The following KDM6A variants were observed in gnomAD, a reference collection of about 807,000 sequenced individuals.
KDM6A encodes the protein lysine-specific demethylase 6A.
A neutral mutation model predicts 117.6 loss-of-function variants in KDM6A; 11 were observed. The ratio of observed to expected loss-of-function variants is 0.09; its 90% confidence interval spans 0.06 to 0.15. KDM6A has a LOEUF of 0.15. KDM6A is among the 10% of genes least tolerant of loss of function. The pLI is 1.00. For synonymous variants in KDM6A, 384 were observed against 396.1 expected (o/e 0.97, Z 0.36); for missense variants, 799 against 1,077.3 (o/e 0.74, Z 3.62).
chrX:44,988,257 A>G, intron 4 of KDM6A, among the ~76,000 whole-genome samples: 1 of 111,629 alleles, frequency 9.0e-6, no homozygotes, highest in East Asian at 2.8e-4. Flanking sequence ...TTTCAGCTCC[A>G]TCAGGTCCTT....
intron 8 of KDM6A, among the ~76,000 whole-genome samples, chrX:45,049,143 C>T (rs2043722153): frequency 1.8e-5 from 2 of 111,721 alleles, no homozygotes. Context: ...CGTGAGTGTT[C>T]TCCTTTACTC....
At position 44,998,370 on chromosome X, in the gene KDM6A, A is replaced by G. The variant is rs139488380; in HGVS notation, c.385-12591A>G. 8.6e-3 allele frequency among the ~76,000 whole-genome samples: 961 copies of G among 111,882 alleles called. 9 individuals carry two copies. Among genetic ancestry groups the G allele is most frequent in the African/African-American group, 0.03 (908 of 30,766 alleles). ...GTAGGACTACTGTTTGGCTTGGTCA[A>G]CTGGTAAGATTGTTACCACTATCTA... On this transcript the variant is annotated intron_variant, in intron 4 of 29. Coordinates refer to ENST00000611820, the MANE Select transcript of KDM6A (RefSeq NM_001291415.2).
chrX:44,874,682 T>C (rs764211512), intron 2 of KDM6A, among the ~76,000 whole-genome samples: 47 of 109,505 alleles, frequency 4.3e-4, no homozygotes, highest in African/African-American at 1.5e-3. Flanking sequence ...GTGTAGTCTT[T>C]TTTTATTTGT....
At chrX:44,983,988 T>G (rs1310886522) in intron 4 of KDM6A, among the ~76,000 whole-genome samples, 1 of 110,500 alleles carries the variant, frequency 9.0e-6, no homozygotes, top group Non-Finnish European at 1.9e-5. Flanking sequence ...ATCGCCACAC[T>G]GACTTCCACA....
At chrX:44,882,368 A>G (rs1273198693) in intron 2 of KDM6A, among the ~76,000 whole-genome samples, 1 of 112,120 alleles carries the variant, frequency 8.9e-6, no homozygotes, top group Admixed American at 9.6e-5. Context: ...CATTTAATCC[A>G]TAGATGTTTG....
At chrX:45,054,036 C>G in intron 10 of KDM6A, 81 bp downstream of exon 10, 1 of 937,045 alleles carries the variant, frequency 1.1e-6, no homozygotes, top group Non-Finnish European at 1.5e-6. Context: ...TGTTAGTTTA[C>G]ATATGTAACC....
At chrX:44,908,728 G>A (rs976653009) in intron 2 of KDM6A, among the ~76,000 whole-genome samples, 17 of 111,962 alleles carry the variant, frequency 1.5e-4, no homozygotes, top group African/African-American at 5.5e-4. Context: ...ATCTCTTGAT[G>A]TGGAAGAGGC....
chrX:45,109,991 C>T, intron 28 of KDM6A, 88 bp from the exon 29 acceptor site: 1 of 897,563 alleles, frequency 1.1e-6, no homozygotes, highest in East Asian at 3.2e-5. Context: ...TCCACAATTT[C>T]ATTCAAGTAG....
intron 2 of KDM6A, among the ~76,000 whole-genome samples, chrX:44,891,528 C>A (rs1434828012): frequency 8.9e-6 from 1 of 112,118 alleles, no homozygotes; most frequent in East Asian, 2.8e-4. Context: ...ATCTTAATTA[C>A]TGTCATTGTA....
chrX:44,990,690 A>T (rs951901922), intron 4 of KDM6A, among the ~76,000 whole-genome samples: 6 of 111,806 alleles, frequency 5.4e-5, no homozygotes, highest in Non-Finnish European at 9.4e-5. Context: ...TATTGCTATT[A>T]TACATGCCAT....
At chrX:44,880,670 T>C (rs1281300598) in intron 2 of KDM6A, among the ~76,000 whole-genome samples, 2 of 109,476 alleles carry the variant, frequency 1.8e-5, no homozygotes, top group Admixed American at 9.8e-5. Context: ...TGGGCGCCTG[T>C]AATCCCAGCT....
chrX:45,102,348 C>G (rs1043853040), intron 27 of KDM6A, among the ~76,000 whole-genome samples: 1 of 111,905 alleles, frequency 8.9e-6, no homozygotes, highest in Non-Finnish European at 1.9e-5. Context: ...CTTTCACATA[C>G]ATTATAGGTT....
chrX:45,012,300 A>G (rs1035840324), intron 5 of KDM6A, among the ~76,000 whole-genome samples: 2 of 102,461 alleles, frequency 2.0e-5, no homozygotes, highest in African/African-American at 7.2e-5. Context: ...TCCCGGGTTC[A>G]AGCGATTCTC....
chrX:44,942,385 A>G (rs956963538), intron 2 of KDM6A, among the ~76,000 whole-genome samples: 5 of 109,963 alleles, frequency 4.5e-5, no homozygotes, highest in Admixed American at 2.9e-4. Context: ...CCAGTTGGCT[A>G]TATTTCTGAG....
chrX:45,056,438 G>A (rs1486846527), intron 10 of KDM6A, among the ~76,000 whole-genome samples: 3 of 111,851 alleles, frequency 2.7e-5, no homozygotes, highest in Non-Finnish European at 5.7e-5. Flanking sequence ...GACTTTGCTT[G>A]TCATTTGGCA....
chrX:44,949,124 C>T lies in KDM6A; in HGVS notation c.226-12160C>T, dbSNP rs189372412. On this transcript the variant is annotated intron_variant, in intron 2 of 29. Transcript: ENST00000611820. Reference sequence around the variant, plus strand: ...ATTTGTACTAGGCCGGGTGCGGTGGCTCAGTTCTGTAATCCTAGCACTTTG... The same window carrying T: ...ATTTGTACTAGGCCGGGTGCGGTGGTTCAGTTCTGTAATCCTAGCACTTTG... Among the ~76,000 whole-genome samples the T allele has an allele frequency of 3.7e-3, 418 of 111,873 alleles. 2 individuals are homozygous for T. The highest frequency in any genetic ancestry group is 0.013 in the African/African-American group (399 of 30,744).
At chrX:45,010,448 T>C (rs1446686753) in intron 4 of KDM6A, among the ~76,000 whole-genome samples, 1 of 111,986 alleles carries the variant, frequency 8.9e-6, no homozygotes, top group Non-Finnish European at 1.9e-5. Context: ...TGTTTCATAC[T>C]GCAAAAGGAG....
chrX:44,881,690 C>CT lies in KDM6A; in HGVS notation c.225+7717dup, dbSNP rs763093798. ...AATTTTCTCTGTGGTACTATTTTGT[C>CT]TTTTTTTTTTTTTTGAGATGGCATT... On this transcript the variant is annotated intron_variant, in intron 2 of 29. Coordinates refer to ENST00000611820, the MANE Select transcript of KDM6A (RefSeq NM_001291415.2). Among the ~76,000 whole-genome samples, 185 of 95,576 alleles carry CT rather than the reference C, an allele frequency of 1.9e-3. 2 individuals are homozygous for CT. The East Asian group carries it at 0.028, about 15-fold the overall frequency. The allele number at this position is 95,576 out of a possible 115,157, so 83.0% of individuals were successfully genotyped here. A position where few individuals can be genotyped will look rare whatever the true frequency, so the allele number is the denominator to read the frequency against.
At chrX:45,010,840 T>C in intron 4 of KDM6A, 121 bp from the exon 5 acceptor site, 1 of 501,830 alleles carries the variant, frequency 2.0e-6, no homozygotes, top group East Asian at 3.7e-5. Flanking sequence ...TAAAAATATA[T>C]TGTAATGCAT....
Sources: gnomAD v4.1 joint callset for allele counts (sites outside exome capture counted in the v4.1 genomes callset) on GRCh38, gnomAD v4.1.1 for gene constraint, MANE v1.5 for transcripts, NCBI Gene and HGNC (gene_info 2026-07-23, HGNC 2026-07-21) for gene names.